AP3D1: variants seen among roughly 807,000 people sequenced by gnomAD.
The protein encoded by AP3D1 is adaptor related protein complex 3 subunit delta 1.
In AP3D1, 51 loss-of-function variants were observed where a neutral mutation model predicts 147.6. The ratio of observed to expected loss-of-function variants is 0.35; its 90% CI spans 0.28 to 0.44. The LOEUF (loss-of-function observed/expected upper bound fraction) is 0.44, where lower values mean the gene tolerates loss of function less well. AP3D1 is among the 20% of genes least tolerant of loss of function. The pLI, the probability that AP3D1 is intolerant of heterozygous loss-of-function variation, is 1.00. For missense variants in AP3D1, 1,421 were observed against 1,624.2 expected (o/e 0.87, Z 2.15); for synonymous variants, 760 against 663.0 (o/e 1.15, Z -2.25).
chr19:2,102,093 C>G lies in AP3D1; in HGVS notation c.*80G>C, dbSNP rs1011498776. The G allele has an allele frequency of 9.6e-5, 109 of 1,137,438 alleles. No homozygotes were observed. Among genetic ancestry groups the G allele is most frequent in the Non-Finnish European group, 1.3e-4 (101 of 758,824 alleles). The allele number at this position is 1,137,438 out of a possible 1,614,324, so 70.5% of individuals were successfully genotyped here. A position where few individuals can be genotyped will look rare whatever the true frequency, so the allele number is the denominator to read the frequency against. On this transcript the variant is annotated 3_prime_UTR_variant, in exon 32 of 32. Transcript: ENST00000643116. The stretch of plus-strand genomic sequence containing the variant: ...TCAGGCTTGGGTACAGTACACACGA[C>G]TGAGGAGAGGCGAGACACGTCAGGG...
chr19:2,112,973 G>C lies in AP3D1; in HGVS notation c.2680-6C>G, dbSNP rs374445238. ...GTGTTCACACTGAGCTCCCCCTGCA[G>C]GGAGCCAGGGCTTGGGGCTCATGCT... On this transcript the variant is annotated splice_region_variant and splice_polypyrimidine_tract_variant and intron_variant, in intron 23 of 31. Coordinates refer to ENST00000643116, the MANE Select transcript of AP3D1 (RefSeq NM_001261826.3). 80 of 1,605,392 alleles carry C rather than the reference G, an allele frequency of 5.0e-5. No individual in the cohort carries two copies. The highest frequency in any genetic ancestry group is 6.5e-5 in the Non-Finnish European group (76 of 1,176,536).
intron 1 of AP3D1, chr19:2,164,095 TCCCTCCCGCCCGCCCTCCTCCG>T: frequency 9.7e-5 from 1 of 10,358 alleles, no homozygotes; most frequent in Non-Finnish European, 2.3e-4. Flanking sequence ...CTCCCGCCCC[TCCCTCCCGCCCGCCCTCCTCCG>T]CCCACCGGCG....
chr19:2,114,927 G>T, intron 20 of AP3D1, 106 bp from the exon 21 acceptor site: 1 of 1,265,724 alleles, frequency 7.9e-7, no homozygotes, highest in South Asian at 1.2e-5. Flanking sequence ...CACACGCACA[G>T]GTGGGCAGTG....
intron 1 of AP3D1, among the ~76,000 whole-genome samples, chr19:2,145,702 C>T (rs1399851819): frequency 1.3e-5 from 2 of 152,004 alleles, no homozygotes; most frequent in Non-Finnish European, 2.9e-5. Flanking sequence ...AAGGGCAGAA[C>T]TCACCCCCAC....
intron 26 of AP3D1, 137 bp downstream of exon 26, chr19:2,111,148 G>C: frequency 4.2e-6 from 5 of 1,179,240 alleles, no homozygotes; most frequent in Non-Finnish European, 4.8e-6. Context: ...TGCTGCCCAA[G>C]CAACGCCCCT....
In AP3D1 at chr19:2,123,381, A is replaced by G. The variant is rs1241556231; in HGVS notation, c.932T>C (p.Leu311Ser). The G allele has an allele frequency of 6.2e-7, 1 of 1,613,918 alleles. No individual in the cohort carries two copies. Among genetic ancestry groups the G allele is most frequent in the African/African-American group, 1.3e-5 (1 of 74,934 alleles). The change falls in exon 11 of 32, where the codon TTG becomes TCG. Residue 311 changes from leucine (L) to serine (S), a missense_variant. Transcript: ENST00000643116. ...ACAGTTCTGATCGGAGTCCTCGATC[A>G]ATATCCTTAATTTCTGAACACAAAG... The part of the protein sequence containing the change: ...IQLCVQKLRI[L>S]IEDSDQNLKY...
chr19:2,124,061 G>A (rs898699445), intron 9 of AP3D1, among the ~76,000 whole-genome samples, 182 bp from the exon 10 acceptor site: 1 of 152,230 alleles, frequency 6.6e-6, no homozygotes, highest in African/African-American at 2.4e-5. Flanking sequence ...TCCATCACAG[G>A]CCTGAGGATA....
Position 2,101,724 on chromosome 19 carries a change from TC to T in AP3D1, c.*448del, listed in dbSNP as rs2017958012. Reference sequence around the variant, plus strand: ...AACCTTGGCGACAGCGGCCCTTCCTTCCCCTCCCCCGGACGCAACCGTCAGG... The same window carrying T: ...AACCTTGGCGACAGCGGCCCTTCCTTCCCTCCCCCGGACGCAACCGTCAGG... On this transcript the variant is annotated 3_prime_UTR_variant, in exon 32 of 32. Transcript: ENST00000643116. 6.4e-6 allele frequency: 1 copy of T among 155,772 alleles called. No homozygotes were observed. Among genetic ancestry groups the T allele is most frequent in the Non-Finnish European group, 1.4e-5 (1 of 70,426 alleles). 9.6% of individuals were successfully genotyped at this position (155,772 alleles called of 1,614,324 possible).
chr19:2,161,029 A>T (rs1271649598), intron 1 of AP3D1, among the ~76,000 whole-genome samples: 1 of 151,874 alleles, frequency 6.6e-6, no homozygotes, highest in African/African-American at 2.4e-5. Context: ...CACCCTGCTG[A>T]GGTCCCAGGA....
chr19:2,113,224 G>A (rs1184209043), intron 23 of AP3D1, 112 bp downstream of exon 23: 10 of 666,444 alleles, frequency 1.5e-5, no homozygotes, highest in East Asian at 8.5e-5. Context: ...ACAGGTGCAC[G>A]GTGCTGACCG....
At chr19:2,107,691 G>C (rs1392893779) in intron 31 of AP3D1, among the ~76,000 whole-genome samples, 2 of 150,100 alleles carry the variant, frequency 1.3e-5, no homozygotes, top group East Asian at 3.9e-4. Context: ...AGTGAGCTGA[G>C]ACTGCACCAC....
At chr19:2,123,491 C>T in intron 10 of AP3D1, 85 bp from the exon 11 acceptor site, 1 of 1,448,484 alleles carries the variant, frequency 6.9e-7, no homozygotes, top group Non-Finnish European at 9.5e-7. Flanking sequence ...CAACCTCAAC[C>T]TGGCCTAAGG....
At chr19:2,142,021 T>C (rs556875082) in intron 1 of AP3D1, among the ~76,000 whole-genome samples, 112 of 151,058 alleles carry the variant, frequency 7.4e-4, no homozygotes, top group African/African-American at 2.2e-3. Flanking sequence ...TATTTATATA[T>C]ATATATGTAT....
At chr19:2,117,437 G>T (rs1250384729) in intron 15 of AP3D1, 70 bp from the exon 16 acceptor site, 1 of 1,476,330 alleles carries the variant, frequency 6.8e-7, no homozygotes, top group South Asian at 1.4e-5. Flanking sequence ...AGGGACACGG[G>T]GTGGCTCAGC....
chr19:2,133,471 T>C (rs544367128), intron 4 of AP3D1: 1 of 152,178 alleles, frequency 6.6e-6, no homozygotes, highest in East Asian at 1.9e-4. Context: ...AGATCCGTTT[T>C]CAGGGTTAAT....
chr19:2,151,415 G>T lies in AP3D1; in HGVS notation c.-81C>A. ...GGCCCGGGGCCCGTGCCTGCCGCCC[G>T]CGGAGCGCCGCGCTGCCGGCCGCTG... On this transcript the variant is annotated 5_prime_UTR_variant, in exon 1 of 32. Coordinates refer to ENST00000643116, the MANE Select transcript of AP3D1 (RefSeq NM_001261826.3). The T allele has an allele frequency of 1.1e-6, 1 of 901,758 alleles. No individual in the cohort carries two copies. The highest frequency in any genetic ancestry group is 1.4e-6 in the Non-Finnish European group (1 of 717,170). 55.9% of individuals were successfully genotyped at this position (901,758 alleles called of 1,614,324 possible).
At chr19:2,115,162 G>A in intron 20 of AP3D1, 57 bp downstream of exon 20, 3 of 1,550,128 alleles carry the variant, frequency 1.9e-6, no homozygotes, top group Non-Finnish European at 8.8e-7. Context: ...ATGGCCCCAG[G>A]ACACACACAT....
chr19:2,102,154 C>A lies in AP3D1; in HGVS notation c.*19G>T. 1.2e-6 allele frequency: 2 copies of A among 1,602,244 alleles called. No individual in the cohort carries two copies. Among genetic ancestry groups the A allele is most frequent in the East Asian group, 2.2e-5 (1 of 44,810 alleles). On this transcript the variant is annotated 3_prime_UTR_variant, in exon 32 of 32. Coordinates refer to ENST00000643116, the MANE Select transcript of AP3D1 (RefSeq NM_001261826.3). ...TGGGTACGTGCTCCGCGGGGTGGTG[C>A]GGGGCTCGCAGGCAGCTCTCAACAC... is the stretch of plus-strand genomic sequence containing the variant.
upstream of AP3D1, among the ~76,000 whole-genome samples, chr19:2,155,531 CAAAAAAAAAAAAA>C (rs60793261): frequency 3.6e-5 from 2 of 55,298 alleles, no homozygotes; most frequent in African/African-American, 1.4e-4. Context: ...GACTCTGTCT[CAAAAAAAAAAAAA>C]AAAAAAAAAA....
Sources: allele counts gnomAD v4.1 joint callset (sites outside exome capture counted in the v4.1 genomes callset), GRCh38; gene constraint gnomAD v4.1.1; transcripts MANE v1.5; gene names NCBI Gene and HGNC (gene_info 2026-07-23, HGNC 2026-07-21).